Variants in TAFA1 observed in about 807,000 individuals in gnomAD.
The protein encoded by TAFA1 is chemokine-like protein TAFA-1.
TAFA1 carries 4 observed loss-of-function variants against 18.5 expected under a neutral mutation model. The ratio of observed to expected loss-of-function variants is 0.22; its 90% CI spans 0.11 to 0.49. TAFA1 has a LOEUF of 0.49. Ranked by LOEUF, TAFA1 falls within the 20% of genes least tolerant of loss-of-function variation. The probability of loss-of-function intolerance (pLI) is 0.98; values close to 1 mark genes in which losing one functional copy is unlikely to be tolerated. For missense variants in TAFA1, 147 were observed against 169.0 expected, an observed-to-expected ratio of 0.87 and a Z score of 0.72; for synonymous variants, 56 against 55.2, an observed-to-expected ratio of 1.01 and a Z score of -0.06.
chr3:68,177,390 C>T (rs1026259045), intron 2 of TAFA1, among the ~76,000 whole-genome samples: 2 of 152,134 alleles, frequency 1.3e-5, no homozygotes, highest in African/African-American at 4.8e-5. Context: ...AAGAGAAAAC[C>T]TCACTAATGA....
At chr3:68,381,301 G>A (rs1484349744) in intron 2 of TAFA1, among the ~76,000 whole-genome samples, 4 of 151,304 alleles carry the variant, frequency 2.6e-5, no homozygotes, top group African/African-American at 9.7e-5. Flanking sequence ...TTCCAATTCT[G>A]TGAAGAAAGT....
At chr3:68,377,097 C>A (rs1210132522) in intron 2 of TAFA1, among the ~76,000 whole-genome samples, 1 of 152,080 alleles carries the variant, frequency 6.6e-6, no homozygotes, top group African/African-American at 2.4e-5. Flanking sequence ...TACCCAGTCT[C>A]GGGTATTTCT....
intron 4 of TAFA1, among the ~76,000 whole-genome samples, chr3:68,542,317 G>A (rs2073390449): frequency 6.6e-6 from 1 of 152,074 alleles, no homozygotes; most frequent in Non-Finnish European, 1.5e-5. Flanking sequence ...CTTGATCATT[G>A]CTTCAATTGC....
At chr3:68,482,169 C>T (rs1187210128) in intron 3 of TAFA1, among the ~76,000 whole-genome samples, 1 of 152,002 alleles carries the variant, frequency 6.6e-6, no homozygotes, top group Non-Finnish European at 1.5e-5. Flanking sequence ...TGCCACCATG[C>T]CTGGCTAATT....
intron 3 of TAFA1, among the ~76,000 whole-genome samples, chr3:68,442,415 G>A (rs185900303): frequency 1.9e-4 from 29 of 152,204 alleles, no homozygotes; most frequent in Middle Eastern, 3.4e-3. Flanking sequence ...TTATCCATGA[G>A]GGGATTAATT....
chr3:68,376,373 A>G (rs1373295176), intron 2 of TAFA1, among the ~76,000 whole-genome samples: 2 of 151,136 alleles, frequency 1.3e-5, no homozygotes, highest in Admixed American at 6.6e-5. Flanking sequence ...CCCAGTACCC[A>G]TTAGTTAGTT....
chr3:68,330,942 C>A, intron 2 of TAFA1, among the ~76,000 whole-genome samples: 1 of 151,634 alleles, frequency 6.6e-6, no homozygotes. Context: ...TAGTTCCATA[C>A]CTAAAAGAAT....
chr3:68,386,054 T>C (rs72628608), intron 2 of TAFA1, among the ~76,000 whole-genome samples: 6,565 of 152,194 alleles, frequency 0.043, 171 homozygotes, highest in East Asian at 0.092. Context: ...GTTCACATGG[T>C]CCCCCGAGCC....
At chr3:68,405,069 T>C (rs2070571328) in intron 2 of TAFA1, among the ~76,000 whole-genome samples, 1 of 152,158 alleles carries the variant, frequency 6.6e-6, no homozygotes, top group East Asian at 1.9e-4. Context: ...ATAGTTATGG[T>C]TTAGAAGTGA....
At chr3:68,113,036 T>A (rs1405318026) in intron 2 of TAFA1, among the ~76,000 whole-genome samples, 1 of 152,188 alleles carries the variant, frequency 6.6e-6, no homozygotes, top group Non-Finnish European at 1.5e-5. Flanking sequence ...ATCAGTAACT[T>A]GGCAGGTAGA....
At chr3:68,049,594 A>G (rs561282731) in intron 2 of TAFA1, among the ~76,000 whole-genome samples, 1 of 151,974 alleles carries the variant, frequency 6.6e-6, no homozygotes, top group African/African-American at 2.4e-5. Flanking sequence ...GGTAGCCCTG[A>G]TAGGTTACTT....
At chr3:68,387,021 A>G (rs1448696546) in intron 2 of TAFA1, among the ~76,000 whole-genome samples, 1 of 152,050 alleles carries the variant, frequency 6.6e-6, no homozygotes, top group Non-Finnish European at 1.5e-5. Flanking sequence ...TTCTTTATAA[A>G]GTTCAAAATT....
At chr3:68,180,148 C>T (rs2066179012) in intron 2 of TAFA1, among the ~76,000 whole-genome samples, 1 of 151,422 alleles carries the variant, frequency 6.6e-6, no homozygotes, top group African/African-American at 2.4e-5. Flanking sequence ...CTGCCTTAGC[C>T]TCCCATGTAA....
intron 3 of TAFA1, among the ~76,000 whole-genome samples, chr3:68,497,962 T>C (rs1335725704): frequency 6.6e-6 from 1 of 152,148 alleles, no homozygotes; most frequent in Non-Finnish European, 1.5e-5. Flanking sequence ...AATTGAACTT[T>C]TTCCAAAGGA....
chr3:68,141,227 A>G (rs1353583396), intron 2 of TAFA1, among the ~76,000 whole-genome samples: 1 of 152,178 alleles, frequency 6.6e-6, no homozygotes, highest in Non-Finnish European at 1.5e-5. Flanking sequence ...ACTGCTGCAC[A>G]AGAAATAAGC....
Position 68,178,991 on chromosome 3 carries a change from C to G in TAFA1, c.118+172247C>G, listed in dbSNP as rs116211368. 7.5e-3 allele frequency among the ~76,000 whole-genome samples: 1,149 copies of G among 152,266 alleles called. 4 individuals are homozygous for G. Among genetic ancestry groups the G allele is most frequent in the Non-Finnish European group, 0.012 (826 of 68,028 alleles). ...TGTAGCCAGTGAATTCTGTGATAAA[C>G]TCGGAGATATTGTATGTTTTTACTG... On this transcript the variant is annotated intron_variant, in intron 2 of 4. Transcript: ENST00000478136.
chr3:68,541,823 T>C (rs1487525072), intron 4 of TAFA1, among the ~76,000 whole-genome samples: 2 of 152,178 alleles, frequency 1.3e-5, no homozygotes, highest in Non-Finnish European at 2.9e-5. Flanking sequence ...CCTTCATCTT[T>C]TGTAGGTTAC....
chr3:68,282,402 G>A lies in TAFA1; in HGVS notation c.119-134878G>A, dbSNP rs147443124. 2.0e-3 allele frequency among the ~76,000 whole-genome samples: 296 copies of A among 146,424 alleles called. 1 individual carries two copies. Among genetic ancestry groups the A allele is most frequent in the African/African-American group, 7.3e-3 (282 of 38,690 alleles). On this transcript the variant is annotated intron_variant, in intron 2 of 4. Transcript: ENST00000478136. Reference sequence around the variant, plus strand: ...ATCCTTCCAATGACTTTGTGGAGTTGTGACAGTAAATGTGTCATAAAAAAA... The same window carrying A: ...ATCCTTCCAATGACTTTGTGGAGTTATGACAGTAAATGTGTCATAAAAAAA...
chr3:68,409,272 T>A (rs2070668618), intron 2 of TAFA1, among the ~76,000 whole-genome samples: 1 of 152,184 alleles, frequency 6.6e-6, no homozygotes. Flanking sequence ...GTTGTTTGGC[T>A]ATGCTTGTTC....
Sources: allele counts gnomAD v4.1 joint callset (sites outside exome capture counted in the v4.1 genomes callset), GRCh38; gene constraint gnomAD v4.1.1; transcripts MANE v1.5; gene names NCBI Gene and HGNC (gene_info 2026-07-23, HGNC 2026-07-21).